The following IQCF3 variants were observed in gnomAD, a reference collection of about 807,000 sequenced individuals.
IQCF3 encodes the protein IQ domain-containing protein F3.
A neutral mutation model predicts 5.1 loss-of-function variants in IQCF3; 7 were observed. The ratio of observed to expected loss-of-function variants is 1.36; its 90% CI spans 0.78 to 2.56. The LOEUF (loss-of-function observed/expected upper bound fraction) is 2.56, where lower values mean the gene tolerates loss of function less well. IQCF3 is among the 30% of genes most tolerant of loss of function. The pLI is 0.00. For synonymous variants in IQCF3, 82 were observed against 72.8 expected (o/e 1.13, Z -0.64); for missense variants, 189 against 196.5 (o/e 0.96, Z 0.23).
intron 2 of IQCF3, 195 bp downstream of exon 2, chr3:51,829,907 T>TC: frequency 1.7e-6 from 1 of 600,150 alleles, no homozygotes; most frequent in Non-Finnish European, 3.0e-6. Flanking sequence ...AGCCACCTGA[T>TC]AGGTGGGGCT....
rs1030569900 is a variant in IQCF3, at chr3:51,830,211, T to A, written c.67-192T>A. Among the ~76,000 whole-genome samples, 1 of 151,984 alleles carries A rather than the reference T, an allele frequency of 6.6e-6. No homozygotes were observed. Among genetic ancestry groups the A allele is most frequent in the African/African-American group, 2.4e-5 (1 of 41,362 alleles). ...CCGAGAAGTCCACAGATCAAACATA[T>A]CCCGATTTCATAGATGAGGGCACTG... is the stretch of plus-strand genomic sequence containing the variant. On this transcript the variant is annotated intron_variant, in intron 2 of 2. Transcript: ENST00000440739. The surrounding 1 kb of genome is among the most constrained non-coding windows in gnomAD (Gnocchi z 4.1).
upstream of IQCF3, chr3:51,829,292 C>T: frequency 1.5e-6 from 1 of 647,112 alleles, no homozygotes; most frequent in Non-Finnish European, 2.8e-6. Context: ...CCAAGGAAGT[C>T]AACAGGAGAG....
At position 51,830,755 on chromosome 3, in the gene IQCF3, TC is replaced by T; in HGVS notation, c.422del (p.Pro141LeufsTer31). 1 of 1,607,022 alleles carries T rather than the reference TC, an allele frequency of 6.2e-7. No individual in the cohort carries two copies. The highest frequency in any genetic ancestry group is 1.1e-5 in the South Asian group (1 of 90,124). On this transcript the variant is annotated frameshift_variant, in exon 3 of 3. Transcript: ENST00000440739. LOFTEE classifies it high-confidence loss of function. The surrounding 1 kb of genome is among the most constrained non-coding windows in gnomAD (Gnocchi z 4.1). ...GGCTTTTTACAGGTCCAATATGCAA[TC>T]CCTTCAAAGCAGCCAGAGTTCCACA... Reference protein sequence around the residue: ...TDGFLQVQYAIPSKQPEFHIE... With the variant: ...TDGFLQVQYAXPSKQPEFHIE...
chr3:51,830,572 G>A lies in IQCF3; in HGVS notation c.236G>A (p.Arg79Gln), dbSNP rs191082320. The A allele has an allele frequency of 2.3e-4, 364 of 1,613,928 alleles. 3 individuals are homozygous for A. The African/African-American group carries it at 2.6e-3, about 11-fold the overall frequency. Residue 79 changes from arginine to glutamine, a missense_variant, in exon 3 of 3, where the codon CGG becomes CAG. By Grantham distance (43) the Arg-to-Gln change is conservative. Coordinates refer to ENST00000440739, the MANE Select transcript of IQCF3 (RefSeq NM_001393887.1). This position sits in a 1 kb window ranked among gnomAD's most constrained non-coding sequence, Gnocchi z 4.1. Reference protein sequence around the residue: ...TLVQRRIRQRRQALLRVYVIQ... With the variant: ...TLVQRRIRQRQQALLRVYVIQ... ...GTGCAGAGACGGATCCGTCAGCGGC[G>A]GCAGGCCCTGTTGAGGGTCTACGTC...
In IQCF3 at chr3:51,829,720, G is replaced by A. The variant is rs543025518; in HGVS notation, c.66+8G>A. On this transcript the variant is annotated splice_region_variant and intron_variant, in intron 2 of 2. Transcript: ENST00000440739. The stretch of plus-strand genomic sequence containing the variant: ...AGACAGAGGCGGCAGAAGGTAGGTG[G>A]GGCCCAGGAGGGTGAGAGAATTGCA... 1.9e-6 allele frequency: 3 copies of A among 1,613,082 alleles called. No individual in the cohort carries two copies. The African/African-American group carries it at 4.0e-5, about 22-fold the overall frequency.
chr3:51,830,420 G>C lies in IQCF3; in HGVS notation c.84G>C (p.Leu28=). The C allele has an allele frequency of 6.5e-7, 1 of 1,548,672 alleles. No individual in the cohort carries two copies. The highest frequency in any genetic ancestry group is 1.3e-5 in the South Asian group (1 of 79,874). Residue 28 remains leucine (L), a synonymous_variant, in exon 3 of 3, where the codon CTG becomes CTC. Coordinates refer to ENST00000440739, the MANE Select transcript of IQCF3 (RefSeq NM_001393887.1). This position sits in a 1 kb window ranked among gnomAD's most constrained non-coding sequence, Gnocchi z 4.1. The stretch of plus-strand genomic sequence containing the variant: ...TTGGCCAGTTGCTTCTTGCACAACT[G>C]CATCACAGAAAAAGGGTGAAGGCAG... ...QRRQKLLLAQ[L]HHRKRVKAAG...
At chr3:51,829,787 C>T (rs375937799) in intron 2 of IQCF3, 75 bp downstream of exon 2, 3 of 1,434,238 alleles carry the variant, frequency 2.1e-6, no homozygotes, top group African/African-American at 2.8e-5. Flanking sequence ...GAATGGAGAT[C>T]CATCTCTGGC....
At chr3:51,829,751 T>C (rs1336434351) in intron 2 of IQCF3, 39 bp downstream of exon 2, 3 of 1,589,148 alleles carry the variant, frequency 1.9e-6, no homozygotes, top group South Asian at 2.2e-5. Flanking sequence ...TTGCAGATCA[T>C]TGACTCTTTG....
Position 51,830,470 on chromosome 3 carries a change from G to C in IQCF3, c.134G>C (p.Arg45Pro), listed in dbSNP as rs369325050. The change falls in exon 3 of 3, where the codon CGT becomes CCT. Residue 45 changes from arginine to proline, a missense_variant. Physicochemically the swap from Arg to Pro is moderately radical, Grantham distance 103 (BLOSUM62 -2). Coordinates refer to ENST00000440739, the MANE Select transcript of IQCF3 (RefSeq NM_001393887.1). This position sits in a 1 kb window ranked among gnomAD's most constrained non-coding sequence, Gnocchi z 4.1. ...GCTGGGCAGATCCAGGCCTGGTGGC[G>C]TGGGGTCCTGGTGCGCAGGACCCTG... Reference protein sequence around the residue: ...KAAGQIQAWWRGVLVRRTLLV... With the variant: ...KAAGQIQAWWPGVLVRRTLLV... 1.2e-6 allele frequency: 2 copies of C among 1,607,234 alleles called. No individual in the cohort carries two copies. The highest frequency in any genetic ancestry group is 1.7e-6 in the Non-Finnish European group (2 of 1,176,970).
At chr3:51,829,355 C>G, upstream of IQCF3, 3 of 1,108,758 alleles carry the variant, frequency 2.7e-6, no homozygotes, top group Non-Finnish European at 4.0e-6. Context: ...GGCACTGTGG[C>G]CCCTGGTCAT....
chr3:51,828,391 G>T (rs1698318256), upstream of IQCF3, among the ~76,000 whole-genome samples: 1 of 152,148 alleles, frequency 6.6e-6, no homozygotes, highest in Admixed American at 6.5e-5. Flanking sequence ...AAGAGATGTT[G>T]AATTTCATCA....
chr3:51,829,867 C>T (rs1698341919), intron 2 of IQCF3, 155 bp downstream of exon 2: 1 of 733,176 alleles, frequency 1.4e-6, no homozygotes. Context: ...TGGAGATAGA[C>T]AGTAAAAGGG....
In IQCF3 at chr3:51,830,718, T is replaced by C; in HGVS notation, c.382T>C (p.Phe128Leu). 1 of 1,613,706 alleles carries C rather than the reference T, an allele frequency of 6.2e-7. No homozygotes were observed. The highest frequency in any genetic ancestry group is 8.5e-7 in the Non-Finnish European group (1 of 1,179,720). The change falls in exon 3 of 3, where the codon TTC (phenylalanine) becomes CTC (leucine). Residue 128 changes from phenylalanine to leucine, a missense_variant. Coordinates refer to ENST00000440739, the MANE Select transcript of IQCF3 (RefSeq NM_001393887.1). The surrounding 1 kb of genome is among the most constrained non-coding windows in gnomAD (Gnocchi z 4.1). ...LFQVPESSLA[F>L]QTDGFLQVQY... is the part of the protein sequence containing the mutation. ...CCAGGTCCCAGAGAGCAGCCTTGCC[T>C]TCCAGACTGATGGCTTTTTACAGGT...
chr3:51,829,488 T>C lies in IQCF3; in HGVS notation c.13T>C (p.Cys5Arg). Residue 5 changes from cysteine (C) to arginine (R), a missense_variant, in exon 1 of 3, where the codon TGC (cysteine) becomes CGC (arginine). Transcript: ENST00000440739. The stretch of plus-strand genomic sequence containing the variant: ...ACTGCTCCAAACCATGGGCAGTAAA[T>C]GCTGTGTAAGACTCAGGCACACAAA... MGSK[C>R]CKGGPDEDAV... 1 of 1,598,596 alleles carries C rather than the reference T, an allele frequency of 6.3e-7. No homozygotes were observed. Among genetic ancestry groups the C allele is most frequent in the South Asian group, 1.1e-5 (1 of 88,042 alleles).
At chr3:51,829,086 A>G (rs1378861210), upstream of IQCF3, among the ~76,000 whole-genome samples, 1 of 152,246 alleles carries the variant, frequency 6.6e-6, no homozygotes, top group Admixed American at 6.5e-5. Flanking sequence ...AGAATCTAAT[A>G]GAAAAATCTA....
chr3:51,830,407 T>A lies in IQCF3; in HGVS notation c.71T>A (p.Leu24His). The A allele has an allele frequency of 6.5e-7, 1 of 1,534,766 alleles. No individual in the cohort carries two copies. The highest frequency in any genetic ancestry group is 8.7e-7 in the Non-Finnish European group (1 of 1,143,084). Residue 24 changes from leucine (L) to histidine (H), a missense_variant, in exon 3 of 3, where the codon CTT becomes CAT. Leu to His is a moderately conservative substitution (Grantham distance 99). Transcript: ENST00000440739. This position sits in a 1 kb window ranked among gnomAD's most constrained non-coding sequence, Gnocchi z 4.1. ...AVERQRRQKL[L>H]LAQLHHRKRV... ...TCCTCTGCTTTGCTTGGCCAGTTGC[T>A]TCTTGCACAACTGCATCACAGAAAA...
At chr3:51,829,601 G>C (rs1362172906) in intron 1 of IQCF3, 64 bp from the exon 2 acceptor site, 4 of 1,602,090 alleles carry the variant, frequency 2.5e-6, no homozygotes, top group African/African-American at 1.3e-5. Flanking sequence ...AACTGGGCCT[G>C]TGGGGACTTT....
At chr3:51,827,433 G>A (rs1448825287), upstream of IQCF3, 1 of 152,102 alleles carries the variant, frequency 6.6e-6, no homozygotes, top group Non-Finnish European at 1.5e-5. Context: ...GTTAAAAATA[G>A]TTGTCTCAGT....
At chr3:51,827,914 C>T (rs1465798565), upstream of IQCF3, among the ~76,000 whole-genome samples, 1 of 152,076 alleles carries the variant, frequency 6.6e-6, no homozygotes, top group Non-Finnish European at 1.5e-5. Context: ...ATATGTGGTA[C>T]TTGGTTTCCT....
Sources: allele counts gnomAD v4.1 joint callset (sites outside exome capture counted in the v4.1 genomes callset), GRCh38; gene constraint gnomAD v4.1.1; non-coding constraint Gnocchi (gnomAD v3.1); transcripts MANE v1.5; gene names NCBI Gene and HGNC (gene_info 2026-07-23, HGNC 2026-07-21).